The following TPPP variants were observed in gnomAD, a reference collection of about 807,000 sequenced individuals.
The protein encoded by TPPP is tubulin polymerization promoting protein.
A neutral mutation model predicts 15.5 loss-of-function variants in TPPP; 6 were observed. The ratio of observed to expected loss-of-function variants is 0.39; its 90% CI spans 0.21 to 0.77. The LOEUF (loss-of-function observed/expected upper bound fraction) is 0.77. TPPP is among the 30% of genes least tolerant of loss of function. The pLI, the probability that TPPP is intolerant of heterozygous loss-of-function variation, is 0.42. For synonymous variants in TPPP, 146 were observed against 133.9 expected (o/e 1.09, Z -0.63); for missense variants, 269 against 307.2 (o/e 0.88, Z 0.93).
At position 682,260 on chromosome 5, in the gene TPPP, G is replaced by C. The variant is rs561462229; in HGVS notation, c.-4-4196C>G. On this transcript the variant is annotated intron_variant, in intron 1 of 3. Coordinates refer to ENST00000360578, the MANE Select transcript of TPPP (RefSeq NM_007030.3). ...TAGGACTGACTGGGCTCTGTCACTA[G>C]GAACAGGGGTCTCGCACTTGGGCCA... is the stretch of plus-strand genomic sequence containing the variant. 1.7e-4 allele frequency among the ~76,000 whole-genome samples: 25 copies of C among 144,600 alleles called. No individual in the cohort carries two copies. In the East Asian group the frequency reaches 4.5e-3, roughly 26 times the overall value. The allele number at this position is 144,600 out of a possible 152,430, so 94.9% of individuals were successfully genotyped here.
At position 678,003 on chromosome 5, in the gene TPPP, C is replaced by G. The variant is rs771208038; in HGVS notation, c.58G>C (p.Gly20Arg). 1.2e-6 allele frequency: 2 copies of G among 1,605,396 alleles called. No homozygotes were observed. Among genetic ancestry groups the G allele is most frequent in the Non-Finnish European group, 1.7e-6 (2 of 1,176,460 alleles). ...AANRTPPKSP[G>R]DPSKDRAAKR... The stretch of plus-strand genomic sequence containing the variant: ...GCTGCCCGGTCCTTCGAGGGGTCCC[C>G]CGGGGACTTGGGGGGCGTCCTGTTG... The change falls in exon 2 of 4, where the codon GGG becomes CGG. Residue 20 changes from glycine (G) to arginine (R), a missense_variant. By Grantham distance (125) the Gly-to-Arg change is moderately radical (BLOSUM62 -2). Transcript: ENST00000360578.
At chr5:694,268 G>C (rs1338239010), upstream of TPPP, among the ~76,000 whole-genome samples, 3 of 151,690 alleles carry the variant, frequency 2.0e-5, no homozygotes, top group African/African-American at 7.2e-5. Flanking sequence ...GGGCGGTTCT[G>C]TGGTGCTGGG....
In TPPP at chr5:664,980, C is replaced by T. The variant is rs370756173; in HGVS notation, c.*122G>A. The T allele has an allele frequency of 6.2e-5, 77 of 1,249,124 alleles. No homozygotes were observed. In the South Asian group the frequency reaches 1.0e-3, roughly 16 times the overall value. 77.4% of individuals were successfully genotyped at this position (1,249,124 alleles called of 1,614,324 possible). Reference sequence around the variant, plus strand: ...GGGAGGCCTGGGCCTGGCCGCCCCCCAGCCCCCTCTGGGGCACCCGTCTGA... The same window carrying T: ...GGGAGGCCTGGGCCTGGCCGCCCCCTAGCCCCCTCTGGGGCACCCGTCTGA... On this transcript the variant is annotated 3_prime_UTR_variant, in exon 4 of 4. Transcript: ENST00000360578.
At chr5:697,278 G>A (rs1366845133), upstream of TPPP, among the ~76,000 whole-genome samples, 2 of 88,596 alleles carry the variant, frequency 2.3e-5, no homozygotes, top group South Asian at 4.0e-4. Context: ...TGATGAGGAG[G>A]GGAAGCCAAA....
intron 1 of TPPP, among the ~76,000 whole-genome samples, chr5:685,467 G>C (rs767507132): frequency 2.0e-5 from 3 of 152,248 alleles, no homozygotes; most frequent in Non-Finnish European, 4.4e-5. Flanking sequence ...CATGGCCTCA[G>C]ACCTGGGCAG....
chr5:673,894 C>T (rs1029842183), intron 2 of TPPP, among the ~76,000 whole-genome samples: 1 of 152,268 alleles, frequency 6.6e-6, no homozygotes, highest in Non-Finnish European at 1.5e-5. Context: ...TGAGCCACAG[C>T]CACCCAGCCC....
chr5:667,578 G>A (rs911176200), intron 2 of TPPP, among the ~76,000 whole-genome samples: 2 of 151,726 alleles, frequency 1.3e-5, no homozygotes, highest in Admixed American at 6.5e-5. Flanking sequence ...TCATCAAAAC[G>A]TTCGAAACTC....
At chr5:680,623 C>T (rs1172088857) in intron 1 of TPPP, among the ~76,000 whole-genome samples, 1 of 150,876 alleles carries the variant, frequency 6.6e-6, no homozygotes, top group Non-Finnish European at 1.5e-5. Flanking sequence ...CCCGTCCCAA[C>T]TCAGCCCCAG....
At chr5:665,803 A>T in intron 3 of TPPP, 167 bp downstream of exon 3, 1 of 761,394 alleles carries the variant, frequency 1.3e-6, no homozygotes, top group Non-Finnish European at 2.0e-6. Context: ...ACACCTCCTC[A>T]GACCCCACAC....
chr5:666,976 C>A (rs1739942086), intron 2 of TPPP: 1 of 152,248 alleles, frequency 6.6e-6, no homozygotes, highest in Non-Finnish European at 1.5e-5. Flanking sequence ...AGCCTCTGGA[C>A]AGCGCGAGAA....
intron 2 of TPPP, among the ~76,000 whole-genome samples, chr5:669,077 G>A (rs944587330): frequency 6.6e-6 from 1 of 152,190 alleles, no homozygotes; most frequent in South Asian, 2.1e-4. Flanking sequence ...CCAAGTGCTC[G>A]GGGTCCCACA....
At chr5:665,321 G>A (rs769452662) in intron 3 of TPPP, 25 bp from the exon 4 acceptor site, 1 of 1,601,014 alleles carries the variant, frequency 6.2e-7, no homozygotes, top group Non-Finnish European at 8.5e-7. Flanking sequence ...GGAGGAAGGG[G>A]GCAGGTGAGT....
At chr5:677,234 G>A (rs60985050) in intron 2 of TPPP, among the ~76,000 whole-genome samples, 4,223 of 152,296 alleles carry the variant, frequency 0.028, 215 homozygotes, top group African/African-American at 0.097. Context: ...ACACCCGAAT[G>A]GCCAGCTCCA....
In TPPP at chr5:684,758, T is replaced by C. The variant is rs140865624; in HGVS notation, c.-4-6694A>G. 4.1e-4 allele frequency among the ~76,000 whole-genome samples: 63 copies of C among 152,290 alleles called. No individual in the cohort carries two copies. The East Asian group carries it at 9.1e-3, about 22-fold the overall frequency. On this transcript the variant is annotated intron_variant, in intron 1 of 3. Coordinates refer to ENST00000360578, the MANE Select transcript of TPPP (RefSeq NM_007030.3). Reference sequence around the variant, plus strand: ...GAGCGCAGACGGTTCCTGTTTTTCATTATCATCGCACGGCACTCCTGCTCC... The same window carrying C: ...GAGCGCAGACGGTTCCTGTTTTTCACTATCATCGCACGGCACTCCTGCTCC...
intron 2 of TPPP, among the ~76,000 whole-genome samples, chr5:673,531 C>T (rs1740295042): frequency 6.6e-6 from 1 of 152,174 alleles, no homozygotes; most frequent in South Asian, 2.1e-4. Flanking sequence ...ACCTGAGCTG[C>T]TGCCCGCAGG....
At chr5:671,564 A>G (rs1740225491) in intron 2 of TPPP, among the ~76,000 whole-genome samples, 1 of 152,212 alleles carries the variant, frequency 6.6e-6, no homozygotes, top group African/African-American at 2.4e-5. Context: ...GGCCAAGCGC[A>G]GGAGACGGGT....
chr5:679,206 G>A (rs371912), intron 1 of TPPP, among the ~76,000 whole-genome samples: 3 of 151,904 alleles, frequency 2.0e-5, no homozygotes, highest in African/African-American at 4.9e-5. Context: ...GAGTGTGGCC[G>A]CTGCTGACCC....
At position 666,250 on chromosome 5, in the gene TPPP, G is replaced by A. The variant is rs865805034; in HGVS notation, c.312-127C>T. The A allele has an allele frequency of 1.7e-5, 18 of 1,070,126 alleles. No individual in the cohort carries two copies. The Middle Eastern group carries it at 1.1e-3, about 63-fold the overall frequency. 66.3% of individuals were successfully genotyped at this position (1,070,126 alleles called of 1,614,324 possible). On this transcript the variant is annotated intron_variant, in intron 2 of 3. Transcript: ENST00000360578. Reference sequence around the variant, plus strand: ...CCACAGGCTTCACCCACAGGCGGCCGCCCTGGTAGCACTGCAAATCCAAAC... The same window carrying A: ...CCACAGGCTTCACCCACAGGCGGCCACCCTGGTAGCACTGCAAATCCAAAC...
At chr5:677,382 A>G (rs1187180521) in intron 2 of TPPP, among the ~76,000 whole-genome samples, 1 of 152,152 alleles carries the variant, frequency 6.6e-6, no homozygotes, top group East Asian at 1.9e-4. Context: ...GGGGAAGCCC[A>G]GTGATCCCAG....
Sources: allele counts gnomAD v4.1 joint callset (sites outside exome capture counted in the v4.1 genomes callset), GRCh38; gene constraint gnomAD v4.1.1; transcripts MANE v1.5; gene names NCBI Gene and HGNC (gene_info 2026-07-23, HGNC 2026-07-21).